The following ATXN1 variants were observed in gnomAD, a reference collection of about 807,000 sequenced individuals.
The protein encoded by ATXN1 is ataxin-1.
In ATXN1, 8 loss-of-function variants were observed where a neutral mutation model predicts 56.4. That is an observed-to-expected ratio of 0.14 (90% confidence interval 0.08 to 0.26). The LOEUF is 0.26. Ranked by LOEUF, ATXN1 falls within the 10% of genes least tolerant of loss-of-function variation. The pLI, the probability that ATXN1 is intolerant of heterozygous loss-of-function variation, is 1.00. For synonymous variants in ATXN1, 514 were observed against 494.6 expected, an observed-to-expected ratio of 1.04 and a Z score of -0.52; for missense variants, 987 against 1,106.5, an observed-to-expected ratio of 0.89 and a Z score of 1.53.
intron 3 of ATXN1, among the ~76,000 whole-genome samples, chr6:16,587,508 G>A (rs770713927): frequency 2.0e-5 from 3 of 152,154 alleles, no homozygotes; most frequent in Non-Finnish European, 2.9e-5. Context: ...TTATGTATGG[G>A]TCCCACAATA....
In ATXN1 at chr6:16,356,782, A is replaced by G. The variant is rs185951598; in HGVS notation, c.-160-28312T>C. On this transcript the variant is annotated intron_variant, in intron 6 of 7. Coordinates refer to ENST00000436367, the MANE Select transcript of ATXN1 (RefSeq NM_001128164.2). ...TCTTTTGGACCACGTTTCTTTCCTA[A>G]GAGAAGCTTGAAGACAGCAAACTAA... Among the ~76,000 whole-genome samples the G allele has an allele frequency of 1.8e-4, 28 of 152,352 alleles. No homozygotes were observed. The East Asian group carries it at 5.0e-3, about 27-fold the overall frequency.
intron 2 of ATXN1, chr6:16,666,968 T>C (rs1758441811): frequency 6.6e-6 from 1 of 152,124 alleles, no homozygotes; most frequent in Non-Finnish European, 1.5e-5. Flanking sequence ...TTATAAATCA[T>C]TATCTATTTA....
In ATXN1 at chr6:16,613,738, A is replaced by G. The variant is rs560438080; in HGVS notation, c.-488-27831T>C. ...CAGCTACTTGGGAGGCTGAGGCGGG[A>G]GGATTGCTTGAGCCCAGGGGTTCAA... On this transcript the variant is annotated intron_variant, in intron 3 of 7. Transcript: ENST00000436367. Among the ~76,000 whole-genome samples, 1,215 of 152,222 alleles carry G rather than the reference A, an allele frequency of 8.0e-3. 11 individuals are homozygous for G. The highest frequency in any genetic ancestry group is 0.027 in the African/African-American group (1,112 of 41,520).
chr6:16,690,025 A>G (rs1414685988), intron 2 of ATXN1, among the ~76,000 whole-genome samples: 2 of 152,158 alleles, frequency 1.3e-5, no homozygotes, highest in African/African-American at 4.8e-5. Context: ...ATAGAGGAAG[A>G]TGAAACAAAC....
intron 3 of ATXN1, among the ~76,000 whole-genome samples, chr6:16,591,628 T>C (rs1762724813): frequency 1.3e-5 from 2 of 152,136 alleles, no homozygotes; most frequent in Non-Finnish European, 2.9e-5. Flanking sequence ...CTCCCATACA[T>C]ATTGTATTTT....
chr6:16,472,341 A>G (rs1422443060), intron 6 of ATXN1, among the ~76,000 whole-genome samples: 1 of 152,202 alleles, frequency 6.6e-6, no homozygotes, highest in Admixed American at 6.5e-5. Flanking sequence ...GGAATTGGGT[A>G]TCTCTCCAGT....
At chr6:16,573,296 T>C (rs970565521) in intron 4 of ATXN1, among the ~76,000 whole-genome samples, 44 of 151,832 alleles carry the variant, frequency 2.9e-4, no homozygotes, top group African/African-American at 1.0e-3. Flanking sequence ...ATAGTACCTG[T>C]CCAGTAAATA....
At chr6:16,675,564 G>A (rs1000729767) in intron 2 of ATXN1, among the ~76,000 whole-genome samples, 2 of 152,042 alleles carry the variant, frequency 1.3e-5, no homozygotes, top group African/African-American at 4.8e-5. Flanking sequence ...TTCAGGGAGA[G>A]GTGGAGATGG....
Position 16,684,464 on chromosome 6 carries a change from A to G in ATXN1, c.-614-26563T>C, listed in dbSNP as rs990070610. ...TACCCAAACCCTTGGCTAATTCCAC[A>G]GAGGCCTGTCTCACTCTGTCGCCCA... On this transcript the variant is annotated intron_variant, in intron 2 of 7. Coordinates refer to ENST00000436367, the MANE Select transcript of ATXN1 (RefSeq NM_001128164.2). Among the ~76,000 whole-genome samples the G allele has an allele frequency of 3.9e-4, 59 of 152,292 alleles. 1 individual carries two copies. Among genetic ancestry groups the G allele is most frequent in the African/African-American group, 1.4e-3 (58 of 41,566 alleles).
chr6:16,392,980 TA>T (rs1758385458), intron 6 of ATXN1, among the ~76,000 whole-genome samples: 1 of 152,184 alleles, frequency 6.6e-6, no homozygotes, highest in African/African-American at 2.4e-5. Flanking sequence ...GTAACTCTCA[TA>T]AGAGGTCACA....
At chr6:16,626,375 T>C (rs1439063747) in intron 3 of ATXN1, among the ~76,000 whole-genome samples, 2 of 152,198 alleles carry the variant, frequency 1.3e-5, no homozygotes, top group African/African-American at 4.8e-5. Flanking sequence ...CTGCAACCTC[T>C]CTGCCTCCCA....
chr6:16,299,968 T>G lies in ATXN1; in HGVS notation c.*6361A>C, dbSNP rs1442941710. On this transcript the variant is annotated 3_prime_UTR_variant, in exon 8 of 8. Coordinates refer to ENST00000436367, the MANE Select transcript of ATXN1 (RefSeq NM_001128164.2). ...GTTCCTGTAAGAACCAGAGAAAACC[T>G]GTGCACCGAGCTTCTTGGTAACTGC... 1.3e-5 allele frequency: 2 copies of G among 152,672 alleles called. No homozygotes were observed. Among genetic ancestry groups the G allele is most frequent in the Admixed American group, 1.3e-4 (2 of 15,282 alleles). The allele number at this position is 152,672 out of a possible 1,614,324, so 9.5% of individuals were successfully genotyped here.
chr6:16,648,115 A>G (rs1763833539), intron 3 of ATXN1, among the ~76,000 whole-genome samples: 1 of 152,152 alleles, frequency 6.6e-6, no homozygotes, highest in Non-Finnish European at 1.5e-5. Context: ...GGGATCCATC[A>G]AGGTACTCTG....
At chr6:16,511,589 GCAA>G (rs1761082503) in intron 5 of ATXN1, among the ~76,000 whole-genome samples, 1 of 152,036 alleles carries the variant, frequency 6.6e-6, no homozygotes, top group Non-Finnish European at 1.5e-5. Flanking sequence ...AATCAACCTA[GCAA>G]CAAGTCCGAA....
chr6:16,570,406 A>G (rs186931195), intron 4 of ATXN1, among the ~76,000 whole-genome samples: 13 of 152,260 alleles, frequency 8.5e-5, no homozygotes, highest in South Asian at 2.1e-4. Context: ...GGCTTCATCT[A>G]TAAGTATAAT....
chr6:16,504,712 G>A (rs1271122302), intron 5 of ATXN1, among the ~76,000 whole-genome samples: 1 of 152,126 alleles, frequency 6.6e-6, no homozygotes, highest in Non-Finnish European at 1.5e-5. Context: ...GATCTGACGT[G>A]AACTGCTCCC....
intron 4 of ATXN1, among the ~76,000 whole-genome samples, chr6:16,561,572 T>C (rs1022372704): frequency 6.6e-6 from 1 of 152,160 alleles, no homozygotes; most frequent in African/African-American, 2.4e-5. Flanking sequence ...CATGAGTACA[T>C]AGTTTAAAAG....
intron 6 of ATXN1, among the ~76,000 whole-genome samples, chr6:16,387,908 CA>C (rs1268768173): frequency 6.6e-6 from 1 of 152,082 alleles, no homozygotes; most frequent in Non-Finnish European, 1.5e-5. Context: ...ACAACAACAA[CA>C]ATGAATTTAG....
At chr6:16,384,187 C>G (rs777631328) in intron 6 of ATXN1, among the ~76,000 whole-genome samples, 9 of 152,202 alleles carry the variant, frequency 5.9e-5, no homozygotes, top group Non-Finnish European at 1.2e-4. Context: ...TCTCTGACTT[C>G]TCCATGGATC....
Sources: allele counts gnomAD v4.1 joint callset (sites outside exome capture counted in the v4.1 genomes callset), GRCh38; gene constraint gnomAD v4.1.1; transcripts MANE v1.5; gene names NCBI Gene and HGNC (gene_info 2026-07-23, HGNC 2026-07-21).